Variants in TBC1D2B observed in about 807,000 individuals in gnomAD.
TBC1D2B encodes the protein TBC1 domain family member 2B.
A neutral mutation model predicts 100.8 loss-of-function variants in TBC1D2B; 64 were observed. The ratio of observed to expected loss-of-function variants is 0.64; its 90% CI spans 0.52 to 0.78. The LOEUF (loss-of-function observed/expected upper bound fraction) is 0.78, where lower values mean the gene tolerates loss of function less well. Among genes scored for constraint, TBC1D2B ranks in the 30% least tolerant of loss-of-function variants. The pLI is 0.00. For synonymous variants in TBC1D2B, 480 were observed against 479.7 expected (o/e 1.00, Z -0.01); for missense variants, 1,052 against 1,218.4 (o/e 0.86, Z 2.03).
rs1009521967 is a variant in TBC1D2B at position 78,050,431 on chromosome 15, T to C, written c.514+3603A>G. ...CAAGAAGTTTTTTAAAAAAGCAGGG[T>C]GTTGTTATCCCTGGCTTGTTTTCTT... On this transcript the variant is annotated intron_variant, in intron 2 of 12. Transcript: ENST00000300584. Among the ~76,000 whole-genome samples, 4 of 152,280 alleles carry C rather than the reference T, an allele frequency of 2.6e-5. No individual in the cohort carries two copies. In the South Asian group the frequency reaches 6.2e-4, roughly 24 times the overall value.
intron 3 of TBC1D2B, among the ~76,000 whole-genome samples, chr15:78,033,265 T>G (rs899212574): frequency 6.6e-6 from 1 of 152,210 alleles, no homozygotes; most frequent in East Asian, 1.9e-4. Flanking sequence ...ACCTTACTTA[T>G]ACGCACACAC....
Position 77,998,132 on chromosome 15 carries a change from G to A in TBC1D2B, c.*28C>T. ...CCTTTGGGCACACTTTGGTTGTGAA[G>A]GAAGGAAGAGCAGCATCCCGAGCCC... is the stretch of plus-strand genomic sequence containing the variant. On this transcript the variant is annotated 3_prime_UTR_variant, in exon 13 of 13. Transcript: ENST00000300584. The A allele has an allele frequency of 2.0e-6, 3 of 1,483,826 alleles. No homozygotes were observed. Among genetic ancestry groups the A allele is most frequent in the Non-Finnish European group, 1.8e-6 (2 of 1,111,780 alleles). The allele number at this position is 1,483,826 out of a possible 1,614,324, so 91.9% of individuals were successfully genotyped here.
At chr15:78,070,591 G>A (rs2073728895) in intron 1 of TBC1D2B, among the ~76,000 whole-genome samples, 1 of 152,218 alleles carries the variant, frequency 6.6e-6, no homozygotes, top group Non-Finnish European at 1.5e-5. Flanking sequence ...TACAGCCTGC[G>A]GTCATTTCCA....
At chr15:78,074,712 G>A (rs1022657212) in intron 1 of TBC1D2B, among the ~76,000 whole-genome samples, 3 of 152,134 alleles carry the variant, frequency 2.0e-5, no homozygotes, top group Non-Finnish European at 2.9e-5. Flanking sequence ...ACATCCTTAT[G>A]ATCTGTAGTA....
rs768700129 is a variant in TBC1D2B at position 78,013,123 on chromosome 15, T to C, written c.1970A>G (p.Asn657Ser). ...REMMCSPELK[N>S]LIRAGIPHEH... ...GTGGGGAATGCCCGCACGGATGAGGTTTTTTAACTCTGGAGAGCACATCAT... is the reference window on the plus strand; with the variant it reads ...GTGGGGAATGCCCGCACGGATGAGGCTTTTTAACTCTGGAGAGCACATCAT... The change falls in exon 9 of 13, where the codon AAC becomes AGC. Residue 657 changes from asparagine to serine, a missense_variant. Physicochemically the swap from Asn to Ser is conservative, Grantham distance 46. Transcript: ENST00000300584. 11 of 1,613,540 alleles carry C rather than the reference T, an allele frequency of 6.8e-6. No individual in the cohort carries two copies. Among genetic ancestry groups the C allele is most frequent in the Admixed American group, 3.3e-5 (2 of 59,958 alleles).
At chr15:78,064,328 T>G (rs968592465) in intron 1 of TBC1D2B, among the ~76,000 whole-genome samples, 2 of 152,118 alleles carry the variant, frequency 1.3e-5, no homozygotes, top group Non-Finnish European at 2.9e-5. Context: ...AAGGGTCAGG[T>G]CCTACCATGT....
chr15:78,066,189 T>C (rs964002264), intron 1 of TBC1D2B: 1 of 413,072 alleles, frequency 2.4e-6, no homozygotes, highest in African/African-American at 2.1e-5. Context: ...GACAGAAACC[T>C]TGGGGCCAAT....
At chr15:78,066,526 G>A (rs2073660767) in intron 1 of TBC1D2B, among the ~76,000 whole-genome samples, 1 of 152,194 alleles carries the variant, frequency 6.6e-6, no homozygotes, top group Non-Finnish European at 1.5e-5. Context: ...AACTAAAGCA[G>A]AATCTCCAGG....
chr15:78,070,226 C>T (rs774679075), intron 1 of TBC1D2B, among the ~76,000 whole-genome samples: 2 of 152,114 alleles, frequency 1.3e-5, no homozygotes, highest in East Asian at 3.9e-4. Flanking sequence ...CCTCTCCCTA[C>T]AACACTTGAC....
At chr15:78,053,612 C>A (rs1185992117) in intron 2 of TBC1D2B, among the ~76,000 whole-genome samples, 3 of 152,200 alleles carry the variant, frequency 2.0e-5, no homozygotes, top group Non-Finnish European at 4.4e-5. Flanking sequence ...TCCTAAGAAA[C>A]ACTAGAGAAT....
At chr15:78,015,200 C>CA (rs2072339623) in intron 8 of TBC1D2B, among the ~76,000 whole-genome samples, 1 of 150,872 alleles carries the variant, frequency 6.6e-6, no homozygotes, top group South Asian at 2.1e-4. Flanking sequence ...GACTCTGTCT[C>CA]AAAAAAACAA....
At chr15:78,068,481 C>T (rs893417150) in intron 1 of TBC1D2B, among the ~76,000 whole-genome samples, 1 of 151,622 alleles carries the variant, frequency 6.6e-6, no homozygotes, top group Non-Finnish European at 1.5e-5. Flanking sequence ...GTGCTGGGAT[C>T]CTCTAAGTAT....
intron 3 of TBC1D2B, among the ~76,000 whole-genome samples, chr15:78,031,815 T>C (rs2072823337): frequency 6.6e-6 from 1 of 151,936 alleles, no homozygotes; most frequent in Non-Finnish European, 1.5e-5. Flanking sequence ...AAATTAAAAA[T>C]ACAGGAAACC....
chr15:78,031,991 G>A (rs1296644865), intron 3 of TBC1D2B, among the ~76,000 whole-genome samples: 1 of 152,212 alleles, frequency 6.6e-6, no homozygotes, highest in African/African-American at 2.4e-5. Context: ...AGAAGATAGA[G>A]TGGAGACTCT....
chr15:78,053,943 T>C, intron 2 of TBC1D2B, 91 bp downstream of exon 2: 1 of 1,356,260 alleles, frequency 7.4e-7, no homozygotes, highest in Non-Finnish European at 1.0e-6. Flanking sequence ...ATTTTCTTTC[T>C]AAATTCATTT....
intron 1 of TBC1D2B, among the ~76,000 whole-genome samples, chr15:78,058,964 C>T (rs767086422): frequency 3.3e-5 from 5 of 152,232 alleles, no homozygotes; most frequent in Non-Finnish European, 7.3e-5. Flanking sequence ...TTCCTCCTCA[C>T]CCTTCAAGGT....
At chr15:78,025,205 C>T (rs1461386930) in intron 5 of TBC1D2B, 54 bp downstream of exon 5, 2 of 1,512,656 alleles carry the variant, frequency 1.3e-6, no homozygotes, top group African/African-American at 2.8e-5. Flanking sequence ...CTTTACTCCT[C>T]CCGTCCTTGG....
chr15:78,021,964 TC>T (rs1167913852), intron 6 of TBC1D2B, among the ~76,000 whole-genome samples: 2 of 152,078 alleles, frequency 1.3e-5, no homozygotes, highest in Non-Finnish European at 2.9e-5. Context: ...GAAAACCTGC[TC>T]CACACGTCTC....
chr15:78,015,864 G>A (rs568428057), intron 8 of TBC1D2B, among the ~76,000 whole-genome samples: 1 of 152,304 alleles, frequency 6.6e-6, no homozygotes, highest in East Asian at 1.9e-4. Flanking sequence ...CCCAAACAAT[G>A]CAGGCTGGTG....
Sources: allele counts gnomAD v4.1 joint callset (sites outside exome capture counted in the v4.1 genomes callset), GRCh38; gene constraint gnomAD v4.1.1; transcripts MANE v1.5; gene names NCBI Gene and HGNC (gene_info 2026-07-23, HGNC 2026-07-21).